The following SRGAP3 variants were observed in gnomAD, a reference collection of about 807,000 sequenced individuals.
The protein encoded by SRGAP3 is SLIT-ROBO Rho GTPase-activating protein 3.
A neutral mutation model predicts 121.1 loss-of-function variants in SRGAP3; 39 were observed. The observed-to-expected ratio is 0.32, with a 90% CI of 0.25 to 0.42. The LOEUF is 0.42. Ranked by LOEUF, SRGAP3 falls within the 10% of genes least tolerant of loss-of-function variation. The pLI is 1.00. For missense variants in SRGAP3, 1,213 were observed against 1,470.6 expected (o/e 0.82, Z 2.86); for synonymous variants, 601 against 570.0 (o/e 1.05, Z -0.77).
At chr3:8,995,073 C>G (rs1942308793) in intron 18 of SRGAP3, among the ~76,000 whole-genome samples, 1 of 152,154 alleles carries the variant, frequency 6.6e-6, no homozygotes, top group South Asian at 2.1e-4. Flanking sequence ...AGCCCTCACC[C>G]ACAACGTGAC....
chr3:9,052,680 A>C (rs537745929), intron 9 of SRGAP3, among the ~76,000 whole-genome samples: 49 of 152,196 alleles, frequency 3.2e-4, no homozygotes, highest in Admixed American at 8.5e-4. Flanking sequence ...ATTCAACATG[A>C]TAATCTATAT....
intron 1 of SRGAP3, chr3:9,349,681 T>G (rs1182140304): frequency 2.6e-5 from 4 of 153,372 alleles, no homozygotes; most frequent in Non-Finnish European, 4.4e-5. Context: ...AATCCTGAAT[T>G]TAGTTTATGT....
intron 3 of SRGAP3, among the ~76,000 whole-genome samples, chr3:9,259,621 T>C (rs1448966338): frequency 6.6e-6 from 1 of 152,124 alleles, no homozygotes; most frequent in Non-Finnish European, 1.5e-5. Context: ...TATTTGTTTG[T>C]TCACTTAATG....
chr3:9,015,614 T>A lies in SRGAP3; in HGVS notation c.1796A>T (p.Asp599Val). The A allele has an allele frequency of 6.2e-7, 1 of 1,614,138 alleles. No homozygotes were observed. Among genetic ancestry groups the A allele is most frequent in the Non-Finnish European group, 8.5e-7 (1 of 1,180,018 alleles). ...NPLFPKERFQ[D>V]LISTIKLENP... is the part of the protein sequence containing the mutation. Reference sequence around the variant, plus strand: ...ATACTTACTAATAGTAGATATCAAATCTTGAAACCTTTCCTTAGGAAAGAG... The same window carrying A: ...ATACTTACTAATAGTAGATATCAAAACTTGAAACCTTTCCTTAGGAAAGAG... The change falls in exon 15 of 22, where the codon GAT becomes GTT. Residue 599 changes from aspartate (D) to valine (V), a missense_variant. Asp to Val is a radical substitution (Grantham distance 152, BLOSUM62 -3). Coordinates refer to ENST00000383836, the MANE Select transcript of SRGAP3 (RefSeq NM_014850.4).
chr3:9,065,986 A>C (rs992126529), intron 4 of SRGAP3, among the ~76,000 whole-genome samples: 1 of 152,080 alleles, frequency 6.6e-6, no homozygotes, highest in African/African-American at 2.4e-5. Context: ...ATAAATAGAG[A>C]CGGGGTTTTG....
rs1229423250 is a variant in SRGAP3, at chr3:9,358,340, T to C, written n.214+4500A>G. 2.0e-5 allele frequency among the ~76,000 whole-genome samples: 3 copies of C among 152,172 alleles called. No homozygotes were observed. The East Asian group carries it at 5.8e-4, about 29-fold the overall frequency. On this transcript the variant is annotated intron_variant and non_coding_transcript_variant, in intron 1 of 3. Coordinates refer to the SRGAP3 transcript ENST00000490889. ...ATGAATAAAATCATGTATGCCTGTA[T>C]AACACATGGTCTTTTGTGTCTGGCA...
chr3:9,269,410 T>C (rs543288188), intron 3 of SRGAP3, among the ~76,000 whole-genome samples: 23 of 152,288 alleles, frequency 1.5e-4, no homozygotes, highest in Admixed American at 1.4e-3. Context: ...AGCCACATAG[T>C]GATCTTTCCT....
At position 8,982,008 on chromosome 3, in the gene SRGAP3, A is replaced by T; in HGVS notation, c.*3511T>A. 4.4e-6 allele frequency: 1 copy of T among 225,722 alleles called. No individual in the cohort carries two copies. Among genetic ancestry groups the T allele is most frequent in the East Asian group, 6.4e-5 (1 of 15,636 alleles). The allele number at this position is 225,722 out of a possible 1,614,324, so 14.0% of individuals were successfully genotyped here. ...AATTTTTCATAGAATCCCACAGCTCAGAGCAGCTCTTTAAGAGGAAAAGGG... is the reference window on the plus strand; with the variant it reads ...AATTTTTCATAGAATCCCACAGCTCTGAGCAGCTCTTTAAGAGGAAAAGGG... On this transcript the variant is annotated 3_prime_UTR_variant, in exon 22 of 22. Transcript: ENST00000383836.
At chr3:9,247,490 T>G (rs1574936659) in intron 1 of SRGAP3, among the ~76,000 whole-genome samples, 1 of 151,946 alleles carries the variant, frequency 6.6e-6, no homozygotes, top group Non-Finnish European at 1.5e-5. Context: ...AACAGATCCC[T>G]CCCCCCGTGG....
At chr3:9,157,770 C>A (rs1407432229) in intron 1 of SRGAP3, among the ~76,000 whole-genome samples, 1 of 152,140 alleles carries the variant, frequency 6.6e-6, no homozygotes, top group East Asian at 1.9e-4. Context: ...CAGTTGAGGA[C>A]AACTTATACA....
At chr3:9,343,637 T>A (rs545974395) in intron 1 of SRGAP3, among the ~76,000 whole-genome samples, 1 of 152,330 alleles carries the variant, frequency 6.6e-6, no homozygotes, top group South Asian at 2.1e-4. Flanking sequence ...CATCTTTATA[T>A]TAAAAAGATT....
intron 1 of SRGAP3, among the ~76,000 whole-genome samples, chr3:9,148,750 C>T (rs765464573): frequency 3.9e-5 from 6 of 152,170 alleles, no homozygotes; most frequent in Non-Finnish European, 7.4e-5. Context: ...ACCCCATGCT[C>T]CTCCCCAGTT....
chr3:9,262,046 G>A (rs138560739), intron 3 of SRGAP3, among the ~76,000 whole-genome samples: 52 of 152,138 alleles, frequency 3.4e-4, no homozygotes, highest in African/African-American at 1.2e-3. Flanking sequence ...ACAGAGTGGG[G>A]GCCCATATTC....
chr3:9,326,326 A>G (rs1955518007), intron 2 of SRGAP3, among the ~76,000 whole-genome samples: 1 of 151,930 alleles, frequency 6.6e-6, no homozygotes, highest in Non-Finnish European at 1.5e-5. Context: ...TGACAATTGA[A>G]TGAAATCCCT....
chr3:9,108,731 A>T (rs978649341), intron 2 of SRGAP3, among the ~76,000 whole-genome samples: 1 of 152,180 alleles, frequency 6.6e-6, no homozygotes, highest in African/African-American at 2.4e-5. Context: ...AGATTGGAGG[A>T]TGAAGGGATG....
chr3:9,144,743 CA>C (rs1310447821), intron 1 of SRGAP3, among the ~76,000 whole-genome samples: 2 of 152,238 alleles, frequency 1.3e-5, no homozygotes, highest in East Asian at 3.8e-4. Flanking sequence ...TTCAATCAAA[CA>C]TCTTTTTCTT....
chr3:9,326,963 C>G (rs1200370395), intron 2 of SRGAP3, among the ~76,000 whole-genome samples: 2 of 151,758 alleles, frequency 1.3e-5, no homozygotes, highest in Non-Finnish European at 2.9e-5. Flanking sequence ...GACTCTGTCT[C>G]CTTTCTTTCC....
At chr3:9,330,071 A>T (rs1315839381) in intron 2 of SRGAP3, among the ~76,000 whole-genome samples, 1 of 152,198 alleles carries the variant, frequency 6.6e-6, no homozygotes, top group African/African-American at 2.4e-5. Context: ...CATAAGCCAG[A>T]AGGAACTCAG....
At chr3:9,124,597 G>C (rs735253) in intron 2 of SRGAP3, 128 bp downstream of exon 2, 537,213 of 1,218,624 alleles carry the variant, frequency 0.44, 121,538 homozygotes, top group African/African-American at 0.67. Flanking sequence ...AACCTGCAGA[G>C]CCAGGGCCCT....
Sources: gnomAD v4.1 joint callset for allele counts (sites outside exome capture counted in the v4.1 genomes callset) on GRCh38, gnomAD v4.1.1 for gene constraint, MANE v1.5 for transcripts, NCBI Gene and HGNC (gene_info 2026-07-23, HGNC 2026-07-21) for gene names.